The following ZNF804A variants were observed in gnomAD, a reference collection of about 807,000 sequenced individuals.
ZNF804A encodes zinc finger protein 804A.
In ZNF804A, 2 loss-of-function variants were observed where a neutral mutation model predicts 16.5. That is an observed-to-expected ratio of 0.12 (90% CI 0.05 to 0.38). The LOEUF (loss-of-function observed/expected upper bound fraction) is 0.38. Ranked by LOEUF, ZNF804A falls within the 10% of genes least tolerant of loss-of-function variation. The pLI, the probability that ZNF804A is intolerant of heterozygous loss-of-function variation, is 0.99. For missense variants in ZNF804A, 1,473 were observed against 1,390.7 expected, an observed-to-expected ratio of 1.06 and a Z score of -0.94; for synonymous variants, 534 against 489.6, an observed-to-expected ratio of 1.09 and a Z score of -1.20.
At chr2:184,628,539 A>G (rs1691545773) in intron 1 of ZNF804A, among the ~76,000 whole-genome samples, 1 of 152,162 alleles carries the variant, frequency 6.6e-6, no homozygotes, top group African/African-American at 2.4e-5. Flanking sequence ...ATAAATAAAT[A>G]TTATTTTAAC....
intron 1 of ZNF804A, among the ~76,000 whole-genome samples, chr2:184,807,552 A>G (rs917836019): frequency 6.6e-6 from 1 of 151,852 alleles, no homozygotes; most frequent in Non-Finnish European, 1.5e-5. Context: ...AATCAGGAAT[A>G]AAGCACCTGT....
chr2:184,618,288 C>T (rs2105677602), intron 1 of ZNF804A, among the ~76,000 whole-genome samples: 1 of 152,124 alleles, frequency 6.6e-6, no homozygotes, highest in South Asian at 2.1e-4. Flanking sequence ...TTAAAATTGG[C>T]ATTATTGCCT....
intron 1 of ZNF804A, among the ~76,000 whole-genome samples, chr2:184,725,234 G>A (rs2105744599): frequency 6.6e-6 from 1 of 151,710 alleles, no homozygotes; most frequent in Admixed American, 6.6e-5. Flanking sequence ...AGTATACATA[G>A]AGAGTGCTAC....
chr2:184,908,228 G>A (rs1231178909), intron 2 of ZNF804A, among the ~76,000 whole-genome samples: 1 of 152,052 alleles, frequency 6.6e-6, no homozygotes, highest in East Asian at 1.9e-4. Flanking sequence ...GCTTTAAGGG[G>A]TGACCTTTAT....
chr2:184,742,848 G>A (rs142277658), intron 1 of ZNF804A, among the ~76,000 whole-genome samples: 8 of 151,762 alleles, frequency 5.3e-5, no homozygotes, highest in East Asian at 1.9e-4. Context: ...CTTCTAAGAC[G>A]TAGGAGTCTA....
At chr2:184,600,439 CTCT>C (rs1295859970) in intron 1 of ZNF804A, among the ~76,000 whole-genome samples, 1 of 152,146 alleles carries the variant, frequency 6.6e-6, no homozygotes, top group Non-Finnish European at 1.5e-5. Context: ...AGTGAAAATA[CTCT>C]TCTGCAGTCT....
In ZNF804A at chr2:184,808,931, A is replaced by G. The variant is rs748016898; in HGVS notation, c.112-57438A>G. ...CAAAAAAACAAAACAAAGCAAAATG[A>G]TACTCAGATTTTCTAAACTTTTGTT... On this transcript the variant is annotated intron_variant, in intron 1 of 3. Transcript: ENST00000302277. 2.3e-4 allele frequency among the ~76,000 whole-genome samples: 35 copies of G among 152,002 alleles called. 1 individual carries two copies. In the South Asian group the frequency reaches 3.3e-3, roughly 14 times the overall value.
chr2:184,650,791 G>T (rs138317267), intron 1 of ZNF804A, among the ~76,000 whole-genome samples: 313 of 152,182 alleles, frequency 2.1e-3, no homozygotes, highest in African/African-American at 7.2e-3. Context: ...ACTGATGAAA[G>T]AAGTCATACA....
chr2:184,807,466 T>C (rs977775552), intron 1 of ZNF804A, among the ~76,000 whole-genome samples: 1 of 151,748 alleles, frequency 6.6e-6, no homozygotes, highest in Admixed American at 6.6e-5. Flanking sequence ...AAAAATACAA[T>C]GAAAAATCAT....
chr2:184,858,530 A>G (rs1695741857), intron 1 of ZNF804A, among the ~76,000 whole-genome samples: 1 of 151,622 alleles, frequency 6.6e-6, no homozygotes, highest in Non-Finnish European at 1.5e-5. Flanking sequence ...GATAACAACA[A>G]CTTAAATTTG....
chr2:184,799,956 A>C (rs1694699187), intron 1 of ZNF804A, among the ~76,000 whole-genome samples: 1 of 152,020 alleles, frequency 6.6e-6, no homozygotes, highest in Non-Finnish European at 1.5e-5. Context: ...TGCTTTTTTT[A>C]TGTGAAAGTT....
chr2:184,806,167 T>C (rs541337084), intron 1 of ZNF804A, among the ~76,000 whole-genome samples: 3 of 152,082 alleles, frequency 2.0e-5, no homozygotes, highest in South Asian at 2.1e-4. Context: ...ATTGAATAAG[T>C]AGGCAACCTC....
intron 1 of ZNF804A, among the ~76,000 whole-genome samples, chr2:184,623,913 T>C (rs1691455684): frequency 6.6e-6 from 1 of 152,162 alleles, no homozygotes; most frequent in Non-Finnish European, 1.5e-5. Flanking sequence ...CTTAAATAAA[T>C]CATCTGATTT....
At chr2:184,658,199 C>G (rs1471820307) in intron 1 of ZNF804A, among the ~76,000 whole-genome samples, 1 of 151,996 alleles carries the variant, frequency 6.6e-6, no homozygotes, top group Non-Finnish European at 1.5e-5. Flanking sequence ...TTTTTTCCCC[C>G]CAGGCCAGGT....
chr2:184,698,387 G>A lies in ZNF804A; in HGVS notation c.111+99317G>A, dbSNP rs529215433. 3.9e-5 allele frequency among the ~76,000 whole-genome samples: 6 copies of A among 152,056 alleles called. No homozygotes were observed. The East Asian group carries it at 5.8e-4, about 15-fold the overall frequency. The stretch of plus-strand genomic sequence containing the variant: ...CTAAAAGCAGTATCAGTAATATTAC[G>A]GAGAAAGGAATGTGCCACTACTACC... On this transcript the variant is annotated intron_variant, in intron 1 of 3. Coordinates refer to ENST00000302277, the MANE Select transcript of ZNF804A (RefSeq NM_194250.2).
chr2:184,687,130 G>C (rs1016362426), intron 1 of ZNF804A, among the ~76,000 whole-genome samples: 6 of 152,102 alleles, frequency 3.9e-5, no homozygotes, highest in African/African-American at 1.4e-4. Context: ...TTGTAGGTTT[G>C]CTTCTGGGAT....
At chr2:184,850,789 T>C (rs1388200026) in intron 1 of ZNF804A, among the ~76,000 whole-genome samples, 6 of 151,824 alleles carry the variant, frequency 4.0e-5, no homozygotes, top group African/African-American at 1.2e-4. Context: ...AAAATAATTA[T>C]ATATTAACAG....
chr2:184,892,550 T>C (rs1458885760), intron 2 of ZNF804A, among the ~76,000 whole-genome samples: 1 of 145,924 alleles, frequency 6.9e-6, no homozygotes, highest in Admixed American at 7.3e-5. Flanking sequence ...AGTGGCTCGA[T>C]CTCGGCTTAC....
intron 2 of ZNF804A, among the ~76,000 whole-genome samples, chr2:184,916,898 T>G (rs939139902): frequency 6.6e-6 from 1 of 151,052 alleles, no homozygotes; most frequent in Admixed American, 6.6e-5. Flanking sequence ...GAAAAAAAAA[T>G]GCATAGGTAA....
Sources: gnomAD v4.1 joint callset for allele counts (sites outside exome capture counted in the v4.1 genomes callset) on GRCh38, gnomAD v4.1.1 for gene constraint, MANE v1.5 for transcripts, NCBI Gene and HGNC (gene_info 2026-07-23, HGNC 2026-07-21) for gene names.